AFF1: variants seen among roughly 807,000 people sequenced by gnomAD.
The protein encoded by AFF1 is AF4/FMR2 family member 1.
Under a neutral mutation model 121.7 loss-of-function variants are expected in AFF1, and 48 were observed. That is an observed-to-expected ratio of 0.39 (90% CI 0.31 to 0.50). AFF1 has a LOEUF of 0.50. Ranked by LOEUF, AFF1 falls within the 20% of genes least tolerant of loss-of-function variation. The pLI is 0.76. For missense variants in AFF1, 1,523 were observed against 1,511.7 expected (o/e 1.01, Z -0.12); for synonymous variants, 613 against 563.0 (o/e 1.09, Z -1.26).
chr4:87,076,141 C>G (rs1342844249), intron 4 of AFF1, among the ~76,000 whole-genome samples: 1 of 152,188 alleles, frequency 6.6e-6, no homozygotes, highest in East Asian at 1.9e-4. Context: ...TGATGCACTA[C>G]CCCCTTCTTC....
intron 2 of AFF1, among the ~76,000 whole-genome samples, chr4:87,025,877 G>T (rs1180205452): frequency 6.6e-6 from 1 of 152,104 alleles, no homozygotes; most frequent in African/African-American, 2.4e-5. Context: ...CCAGGTGTCA[G>T]TTACTTGACC....
intron 4 of AFF1, among the ~76,000 whole-genome samples, chr4:87,062,562 G>C (rs924768353): frequency 6.6e-6 from 1 of 152,020 alleles, no homozygotes; most frequent in Non-Finnish European, 1.5e-5. Context: ...TTGAATTATA[G>C]CACTTAAATG....
intron 2 of AFF1, among the ~76,000 whole-genome samples, chr4:86,951,615 CTTTTTTTCTTTTTTTTT>C (rs201522400): frequency 0.38 from 47,928 of 125,852 alleles, 9,865 homozygotes; most frequent in South Asian, 0.56. Context: ...TTTCTTTTTT[CTTTTTTTCTTTTTTTTT>C]TTTTTTTTTG....
chr4:87,101,670 G>T (rs959653191), intron 8 of AFF1, among the ~76,000 whole-genome samples: 2 of 151,950 alleles, frequency 1.3e-5, no homozygotes, highest in South Asian at 4.2e-4. Context: ...TCCTATCCCC[G>T]GATCAGTTTC....
chr4:86,968,421 G>C (rs1219971059), intron 2 of AFF1, among the ~76,000 whole-genome samples: 1 of 152,028 alleles, frequency 6.6e-6, no homozygotes, highest in Non-Finnish European at 1.5e-5. Flanking sequence ...CTGGATTTAG[G>C]ATGTAGTTTT....
intron 1 of AFF1, among the ~76,000 whole-genome samples, chr4:86,936,895 A>G (rs1720053271): frequency 6.6e-6 from 1 of 152,264 alleles, no homozygotes; most frequent in Non-Finnish European, 1.5e-5. Context: ...ATACATAAGT[A>G]GTACGTAAAA....
intron 1 of AFF1, among the ~76,000 whole-genome samples, chr4:86,948,079 G>T (rs1720999801): frequency 6.6e-6 from 1 of 151,662 alleles, no homozygotes; most frequent in Non-Finnish European, 1.5e-5. Flanking sequence ...GTGTGTTTGA[G>T]TCTCCATTTT....
intron 2 of AFF1, among the ~76,000 whole-genome samples, chr4:87,005,843 G>A (rs1726070630): frequency 6.6e-6 from 1 of 152,258 alleles, no homozygotes; most frequent in Non-Finnish European, 1.5e-5. Flanking sequence ...AGAATGCAGT[G>A]ACTACTAGTT....
intron 2 of AFF1, among the ~76,000 whole-genome samples, chr4:86,997,031 C>A (rs899902556): frequency 6.6e-6 from 1 of 152,200 alleles, no homozygotes; most frequent in Non-Finnish European, 1.5e-5. Flanking sequence ...CCTGCCTCAG[C>A]CTCTCAAGTA....
chr4:87,024,044 A>G (rs1306659502), intron 2 of AFF1, among the ~76,000 whole-genome samples: 2 of 152,302 alleles, frequency 1.3e-5, no homozygotes, highest in Non-Finnish European at 2.9e-5. Context: ...GCATTCTGTT[A>G]TGTTCTGATC....
At chr4:87,051,787 C>G (rs1397018185) in intron 4 of AFF1, among the ~76,000 whole-genome samples, 2 of 152,112 alleles carry the variant, frequency 1.3e-5, no homozygotes, top group Non-Finnish European at 2.9e-5. Flanking sequence ...GATATTAACC[C>G]TCCACTGTGT....
chr4:86,948,471 A>C (rs1721026220), intron 1 of AFF1, 27 bp from the exon 2 acceptor site: 1 of 1,475,700 alleles, frequency 6.8e-7, no homozygotes, highest in Non-Finnish European at 9.2e-7. Flanking sequence ...GCTAATGTTC[A>C]CAGGCTACTC....
chr4:87,068,825 A>G (rs1721654818), intron 4 of AFF1, among the ~76,000 whole-genome samples: 2 of 152,222 alleles, frequency 1.3e-5, no homozygotes, highest in African/African-American at 2.4e-5. Context: ...AGCCGCCAGC[A>G]CACGAGACAG....
chr4:87,011,282 G>A (rs1278808070), intron 2 of AFF1, among the ~76,000 whole-genome samples: 1 of 152,142 alleles, frequency 6.6e-6, no homozygotes, highest in Non-Finnish European at 1.5e-5. Flanking sequence ...AGTATGTTCA[G>A]TCAACTCTCC....
intron 1 of AFF1, among the ~76,000 whole-genome samples, chr4:86,942,034 G>T (rs1484391407): frequency 6.6e-6 from 1 of 151,918 alleles, no homozygotes; most frequent in African/African-American, 2.4e-5. Flanking sequence ...CTAAGATTTG[G>T]CAAGTTCTTG....
chr4:87,112,726 T>A (rs1297560142), intron 11 of AFF1, among the ~76,000 whole-genome samples: 1 of 152,250 alleles, frequency 6.6e-6, no homozygotes, highest in Non-Finnish European at 1.5e-5. Context: ...AGTGTTCTCC[T>A]TATCTATAAT....
At chr4:87,007,489 G>C (rs975013138) in intron 2 of AFF1, 15 of 1,606,190 alleles carry the variant, frequency 9.3e-6, no homozygotes, top group Non-Finnish European at 7.7e-6. Flanking sequence ...AGGTTGCGGG[G>C]GAGGGCAGGG....
At position 87,114,886 on chromosome 4, in the gene AFF1, G is replaced by A. The variant is rs1286162439; in HGVS notation, c.2053G>A (p.Ala685Thr). Residue 685 changes from alanine (A) to threonine (T), a missense_variant, in exon 12 of 21, where the codon GCC becomes ACC. Around this residue, in one of 5 missense-constraint regions of AFF1, gnomAD observed 905 missense variants for 842.5 expected, o/e 1.07. Transcript: ENST00000395146. ...EKKKHKSSLP[A>T]PSKALSGPEP... ...GAAGAAGCACAAGAGCTCCCTCCCT[G>A]CCCCCTCTAAGGCTCTCTCAGGCCC... 2 of 1,613,136 alleles carry A rather than the reference G, an allele frequency of 1.2e-6. No homozygotes were observed. Among genetic ancestry groups the A allele is most frequent in the Non-Finnish European group, 1.7e-6 (2 of 1,179,632 alleles).
intron 4 of AFF1, among the ~76,000 whole-genome samples, chr4:87,078,753 C>A (rs897006212): frequency 6.6e-6 from 1 of 151,860 alleles, no homozygotes; most frequent in African/African-American, 2.4e-5. Context: ...GGTGGTGACA[C>A]ATTTGAAGAA....
Sources: allele counts gnomAD v4.1 joint callset (sites outside exome capture counted in the v4.1 genomes callset), GRCh38; gene constraint gnomAD v4.1.1; regional missense constraint gnomAD v4.1.1; transcripts MANE v1.5; gene names NCBI Gene and HGNC (gene_info 2026-07-23, HGNC 2026-07-21).